The following TNRC6C variants were observed in gnomAD, a reference collection of about 807,000 sequenced individuals.
TNRC6C encodes the protein trinucleotide repeat containing adaptor 6C.
TNRC6C carries 20 observed loss-of-function variants against 153.7 expected under a neutral mutation model. The observed-to-expected ratio is 0.13, with a 90% CI of 0.09 to 0.19. The LOEUF is 0.19. TNRC6C is among the 10% of genes least tolerant of loss of function. The probability of loss-of-function intolerance (pLI) is 1.00; values close to 1 mark genes in which losing one functional copy is unlikely to be tolerated. For missense variants in TNRC6C, 1,987 were observed against 2,172.0 expected, an observed-to-expected ratio of 0.91 and a Z score of 1.69; for synonymous variants, 811 against 841.4, an observed-to-expected ratio of 0.96 and a Z score of 0.63.
chr17:78,011,130 G>C (rs892881396), intron 1 of TNRC6C, among the ~76,000 whole-genome samples: 1 of 152,206 alleles, frequency 6.6e-6, no homozygotes, highest in Non-Finnish European at 1.5e-5. Flanking sequence ...ACAGTCTGCT[G>C]TCTAAAAAAT....
intron 2 of TNRC6C, among the ~76,000 whole-genome samples, chr17:78,035,066 C>A (rs1170343718): frequency 6.6e-6 from 1 of 152,162 alleles, no homozygotes; most frequent in Non-Finnish European, 1.5e-5. Flanking sequence ...CTAGTCCTTC[C>A]ATTTCTCATC....
chr17:77,980,870 C>A (rs2071066094), intron 1 of TNRC6C, among the ~76,000 whole-genome samples: 3 of 152,242 alleles, frequency 2.0e-5, no homozygotes, highest in South Asian at 4.1e-4. Context: ...GGGGTGGGTG[C>A]TTCCATGCCC....
intron 1 of TNRC6C, among the ~76,000 whole-genome samples, chr17:77,991,737 T>C (rs917114517): frequency 1.3e-5 from 2 of 152,252 alleles, no homozygotes; most frequent in Non-Finnish European, 2.9e-5. Flanking sequence ...TTGATTATCC[T>C]CTTCAATTTC....
At chr17:78,098,663 A>G in intron 17 of TNRC6C, 126 bp downstream of exon 20, 1 of 999,026 alleles carries the variant, frequency 1.0e-6, no homozygotes. Flanking sequence ...AGGGCTTAGG[A>G]GGGCACCAGG....
chr17:77,976,476 G>A (rs1294289359), intron 1 of TNRC6C, among the ~76,000 whole-genome samples: 1 of 152,200 alleles, frequency 6.6e-6, no homozygotes, highest in Non-Finnish European at 1.5e-5. Flanking sequence ...ACACACAGTA[G>A]CCCCAGTTAG....
intron 2 of TNRC6C, among the ~76,000 whole-genome samples, chr17:78,045,712 A>C (rs1228617501): frequency 6.6e-6 from 1 of 152,200 alleles, no homozygotes; most frequent in Non-Finnish European, 1.5e-5. Flanking sequence ...CAAGGAACTC[A>C]CCTTCAGAAA....
intron 6 of TNRC6C, 117 bp downstream of exon 8, chr17:78,071,282 G>A: frequency 2.9e-6 from 3 of 1,043,576 alleles, no homozygotes; most frequent in Non-Finnish European, 4.3e-6. Context: ...TTTGAGGAAT[G>A]AGATATTGAC....
intron 1 of TNRC6C, among the ~76,000 whole-genome samples, chr17:77,968,643 C>G (rs573678643): frequency 1.3e-5 from 2 of 152,096 alleles, no homozygotes; most frequent in Admixed American, 1.3e-4. Context: ...GTGCCCGGCC[C>G]GAGATGTAGT....
rs928276042 is a variant in TNRC6C, at chr17:78,097,977, C to T, written c.4307-366C>T. On this transcript the variant is annotated intron_variant, in intron 16 of 19. Coordinates refer to ENST00000301624, the Ensembl canonical transcript of TNRC6C. ...TTACTCACTCCCTGAGCTGGGAGGC[C>T]GTGTGGCGTGATGAAGGATGGGTGG... The T allele has an allele frequency of 3.4e-5, 31 of 911,964 alleles. No homozygotes were observed. The Admixed American group carries it at 6.3e-4, about 19-fold the overall frequency. 56.5% of individuals were successfully genotyped at this position (911,964 alleles called of 1,614,324 possible). A position where few individuals can be genotyped will look rare whatever the true frequency, so the allele number is the denominator to read the frequency against.
intron 16 of TNRC6C, 35 bp from the exon 19 acceptor site, chr17:78,097,710 C>A: frequency 6.8e-7 from 1 of 1,467,152 alleles, no homozygotes; most frequent in Non-Finnish European, 9.2e-7. Context: ...CGGACACCGC[C>A]ACCACCTTGC....
chr17:77,982,298 A>G (rs1272318735), intron 1 of TNRC6C, among the ~76,000 whole-genome samples: 1 of 152,146 alleles, frequency 6.6e-6, no homozygotes, highest in Non-Finnish European at 1.5e-5. Context: ...TATATTATGA[A>G]TTAACTTCTT....
At chr17:78,046,154 G>T (rs541516198) in intron 2 of TNRC6C, among the ~76,000 whole-genome samples, 5 of 150,168 alleles carry the variant, frequency 3.3e-5, no homozygotes, top group African/African-American at 1.2e-4. Context: ...TGGTTGGGTT[G>T]TTGGCCTCTT....
chr17:77,988,329 A>C (rs1418062694), intron 1 of TNRC6C, among the ~76,000 whole-genome samples: 2 of 152,128 alleles, frequency 1.3e-5, no homozygotes, highest in African/African-American at 4.8e-5. Flanking sequence ...CTCTGATAGC[A>C]CCACTGCACT....
At position 78,078,139 on chromosome 17, in the gene TNRC6C, G is replaced by A. The variant is rs116802144; in HGVS notation, c.3210+805G>A. Among the ~76,000 whole-genome samples, 731 of 152,246 alleles carry A rather than the reference G, an allele frequency of 4.8e-3. 8 individuals are homozygous for A. The highest frequency in any genetic ancestry group is 0.017 in the African/African-American group (695 of 41,538). ...AATAGTGCCCCTTCCACTCACCAGCGCCCGACTGTGTGATCCTGGCGATCT... is the reference window on the plus strand; with the variant it reads ...AATAGTGCCCCTTCCACTCACCAGCACCCGACTGTGTGATCCTGGCGATCT... On this transcript the variant is annotated intron_variant, in intron 9 of 19. Coordinates refer to ENST00000301624, the Ensembl canonical transcript of TNRC6C.
intron 14 of TNRC6C, 34 bp from the exon 17 acceptor site, chr17:78,092,899 T>C: frequency 1.2e-6 from 2 of 1,602,974 alleles, no homozygotes; most frequent in Non-Finnish European, 1.7e-6. Flanking sequence ...TGGAGAGTAT[T>C]CACTCGCTTC....
exon 2 of TNRC6C, chr17:78,031,771 G>A (rs2072079595): frequency 8.9e-6 from 11 of 1,232,250 alleles, no homozygotes; most frequent in Non-Finnish European, 1.1e-5. Context: ...CAGGGTGCTG[G>A]GCCTGCAGGG....
At chr17:78,026,249 A>T (rs1703506445) in intron 1 of TNRC6C, among the ~76,000 whole-genome samples, 4 of 152,222 alleles carry the variant, frequency 2.6e-5, no homozygotes, top group Admixed American at 2.6e-4. Flanking sequence ...AGAGAAGAAG[A>T]CAGTCATTTT....
chr17:78,011,244 G>C (rs1264072595), intron 1 of TNRC6C, among the ~76,000 whole-genome samples: 1 of 152,068 alleles, frequency 6.6e-6, no homozygotes, highest in Non-Finnish European at 1.5e-5. Context: ...ATAAGTGTTG[G>C]CATATATTCA....
intron 1 of TNRC6C, among the ~76,000 whole-genome samples, chr17:78,011,817 G>T (rs2071637100): frequency 6.6e-6 from 1 of 152,174 alleles, no homozygotes; most frequent in African/African-American, 2.4e-5. Flanking sequence ...CCAATGTGTG[G>T]TATGGTCATC....
Sources: allele counts gnomAD v4.1 joint callset (sites outside exome capture counted in the v4.1 genomes callset), GRCh38; gene constraint gnomAD v4.1.1; transcripts MANE v1.5; gene names NCBI Gene and HGNC (gene_info 2026-07-23, HGNC 2026-07-21).